Variants in INSR observed in about 807,000 individuals in gnomAD.
The protein encoded by INSR is insulin receptor.
Under a neutral mutation model 142.6 loss-of-function variants are expected in INSR, and 67 were observed. The observed-to-expected ratio is 0.47, with a 90% confidence interval of 0.39 to 0.58. INSR has a LOEUF of 0.58. Among genes scored for constraint, INSR ranks in the 20% least tolerant of loss-of-function variants. The probability of loss-of-function intolerance (pLI) is 0.00; values close to 1 mark genes in which losing one functional copy is unlikely to be tolerated. For synonymous variants in INSR, 756 were observed against 743.1 expected (o/e 1.02, Z -0.28); for missense variants, 1,248 against 1,833.2 (o/e 0.68, Z 5.83).
intron 1 of INSR, among the ~76,000 whole-genome samples, chr19:7,283,693 G>T (rs1341906670): frequency 6.6e-6 from 1 of 152,084 alleles, no homozygotes; most frequent in Non-Finnish European, 1.5e-5. Context: ...ACCTGCCTCG[G>T]CCTCCCAAAG....
At chr19:7,209,705 C>T (rs138577363) in intron 2 of INSR, among the ~76,000 whole-genome samples, 5 of 152,110 alleles carry the variant, frequency 3.3e-5, no homozygotes, top group South Asian at 4.1e-4. Flanking sequence ...TGAGCCATGA[C>T]GCCTGGCCAA....
At chr19:7,230,813 AAAAAAAAAT>A (rs1306168063) in intron 2 of INSR, among the ~76,000 whole-genome samples, 7 of 151,606 alleles carry the variant, frequency 4.6e-5, no homozygotes, top group African/African-American at 1.5e-4. Context: ...CTCAAAAATA[AAAAAAAAAT>A]AAAAAATATT....
At chr19:7,174,540 G>C (rs1308653962) in intron 4 of INSR, 43 bp downstream of exon 4, 2 of 1,610,626 alleles carry the variant, frequency 1.2e-6, no homozygotes, top group Admixed American at 1.7e-5. Flanking sequence ...AGAGGGACAT[G>C]GAGCCCAACA....
intron 1 of INSR, among the ~76,000 whole-genome samples, chr19:7,278,932 C>T (rs1217819717): frequency 6.6e-6 from 1 of 152,072 alleles, no homozygotes. Context: ...AGTTCAAGAC[C>T]AGCCTGGCCA....
At chr19:7,238,607 T>G in intron 2 of INSR, among the ~76,000 whole-genome samples, 1 of 103,714 alleles carries the variant, frequency 9.6e-6, no homozygotes, top group African/African-American at 3.8e-5. Flanking sequence ...GGCAACAGAG[T>G]GCTCCATCTC....
intron 2 of INSR, among the ~76,000 whole-genome samples, chr19:7,252,883 AG>A (rs893851366): frequency 2.0e-5 from 3 of 151,706 alleles, no homozygotes; most frequent in African/African-American, 7.3e-5. Flanking sequence ...TGGGAGGCCA[AG>A]GCGGGCAGAT....
chr19:7,172,307 T>C lies in INSR; in HGVS notation c.1251A>G (p.Gly417=), dbSNP rs767530831. 4 of 1,614,142 alleles carry C rather than the reference T, an allele frequency of 2.5e-6. 1 individual carries two copies. The highest frequency in any genetic ancestry group is 2.2e-5 in the East Asian group (1 of 44,880). Residue 417 remains glycine (G), a synonymous_variant, in exon 5 of 22, where the codon GGA becomes GGG. Transcript: ENST00000302850. The part of the protein sequence containing the change: ...SFFRKLRLIR[G]ETLEIGNYSF... Reference sequence around the variant, plus strand: ...CCACGTACCCAATTTCCAAGGTCTCTCCTCGAATCAGACGTAACTTCCGGA... The same window carrying C: ...CCACGTACCCAATTTCCAAGGTCTCCCCTCGAATCAGACGTAACTTCCGGA...
chr19:7,177,509 T>C (rs1401258627), intron 3 of INSR, among the ~76,000 whole-genome samples: 1 of 151,732 alleles, frequency 6.6e-6, no homozygotes, highest in Non-Finnish European at 1.5e-5. Flanking sequence ...GTTAAGTCAA[T>C]GGTTTTTTTG....
Position 7,119,905 on chromosome 19 carries a change from C to T in INSR, c.3660-322G>A, listed in dbSNP as rs778542110. On this transcript the variant is annotated intron_variant, in intron 20 of 21. Coordinates refer to ENST00000302850, the MANE Select transcript of INSR (RefSeq NM_000208.4). The surrounding 1 kb of genome is among the most constrained non-coding windows in gnomAD (Gnocchi z 5.2). ...ACACATATGCACACACATACACACA[C>T]AAACACACACACAAACACATCTCTT... 7.9e-6 allele frequency among the ~76,000 whole-genome samples: 1 copy of T among 127,380 alleles called. No homozygotes were observed. 83.6% of individuals were successfully genotyped at this position (127,380 alleles called of 152,430 possible).
At chr19:7,191,266 A>G (rs1449267572) in intron 2 of INSR, among the ~76,000 whole-genome samples, 1 of 147,628 alleles carries the variant, frequency 6.8e-6, no homozygotes, top group Non-Finnish European at 1.5e-5. Flanking sequence ...CACTGCTGGA[A>G]GAGAGAGTGA....
intron 9 of INSR, among the ~76,000 whole-genome samples, chr19:7,162,183 C>T (rs1258598972): frequency 6.6e-5 from 10 of 151,770 alleles, no homozygotes; most frequent in Non-Finnish European, 1.0e-4. Context: ...AAAAATTAGC[C>T]GGGTGTGGTG....
At chr19:7,152,635 G>C (rs1273672067) in intron 10 of INSR, 91 bp downstream of exon 10, 49 of 1,046,550 alleles carry the variant, frequency 4.7e-5, no homozygotes, top group Non-Finnish European at 3.0e-6. Context: ...CCGTCTCTGG[G>C]TCCCACTACC....
chr19:7,215,175 G>A (rs781324640), intron 2 of INSR, among the ~76,000 whole-genome samples: 2 of 152,088 alleles, frequency 1.3e-5, no homozygotes, highest in Non-Finnish European at 2.9e-5. Context: ...GAAGAACTAG[G>A]ATTCGAACCC....
chr19:7,122,821 G>C (rs1415483877), intron 18 of INSR, 48 bp from the exon 19 acceptor site: 1 of 1,613,598 alleles, frequency 6.2e-7, no homozygotes, highest in East Asian at 2.2e-5. Flanking sequence ...TGGGATCCGA[G>C]GAGGCCAGGA....
intron 2 of INSR, among the ~76,000 whole-genome samples, chr19:7,260,874 G>T (rs553145104): frequency 6.2e-5 from 9 of 145,368 alleles, no homozygotes; most frequent in African/African-American, 2.7e-5. Context: ...TTGCCTCAAA[G>T]AACTTCTTTT....
chr19:7,193,791 G>C (rs1974663602), intron 2 of INSR, among the ~76,000 whole-genome samples: 1 of 152,014 alleles, frequency 6.6e-6, no homozygotes, highest in South Asian at 2.1e-4. Context: ...CCAGGTTCAA[G>C]TGCTCCTCCT....
At chr19:7,129,104 A>G in intron 14 of INSR, 150 bp from the exon 15 acceptor site, 2 of 653,526 alleles carry the variant, frequency 3.1e-6, no homozygotes. Flanking sequence ...CCACATCCTG[A>G]TTTTCCAGCA....
rs1240195769 is a variant in INSR, at chr19:7,170,735, C to T, written c.1285G>A (p.Ala429Thr). Residue 429 changes from alanine (A) to threonine (T), a missense_variant, in exon 6 of 22, where the codon GCC (alanine) becomes ACC (threonine). Ala to Thr is a moderately conservative substitution (Grantham distance 58, BLOSUM62 0). Transcript: ENST00000302850. ...TGCCTTAGGTTCTGGTTGTCCAAGG[C>T]ATAGAAGGAGTAGTTCCTATGGAAA... ...TLEIGNYSFY[A>T]LDNQNLRQLW... 6.2e-7 allele frequency: 1 copy of T among 1,613,790 alleles called. No homozygotes were observed. The highest frequency in any genetic ancestry group is 1.7e-4 in the Middle Eastern group (1 of 6,060).
chr19:7,263,248 C>T (rs66496113), intron 2 of INSR, among the ~76,000 whole-genome samples: 15,320 of 151,134 alleles, frequency 0.1, 903 homozygotes, highest in Middle Eastern at 0.16. Flanking sequence ...CACTGCCCCC[C>T]AGCCTAGGTG....
Sources: gnomAD v4.1 joint callset for allele counts (sites outside exome capture counted in the v4.1 genomes callset) on GRCh38, gnomAD v4.1.1 for gene constraint, Gnocchi (gnomAD v3.1) non-coding constraint, MANE v1.5 for transcripts, NCBI Gene and HGNC (gene_info 2026-07-23, HGNC 2026-07-21) for gene names.